ATP2B2: variants seen among roughly 807,000 people sequenced by gnomAD.
ATP2B2 encodes plasma membrane calcium-transporting ATPase 2.
Under a neutral mutation model 120.0 loss-of-function variants are expected in ATP2B2, and 15 were observed. That is an observed-to-expected ratio of 0.12 (90% CI 0.08 to 0.19). ATP2B2 has a LOEUF of 0.19. ATP2B2 is among the 10% of genes least tolerant of loss of function. The probability of loss-of-function intolerance (pLI) is 1.00; values close to 1 mark genes in which losing one functional copy is unlikely to be tolerated. For synonymous variants in ATP2B2, 694 were observed against 700.3 expected (o/e 0.99, Z 0.14); for missense variants, 1,045 against 1,719.8 (o/e 0.61, Z 6.94).
chr3:10,353,883 T>C (rs529437433), intron 14 of ATP2B2, among the ~76,000 whole-genome samples: 3 of 152,288 alleles, frequency 2.0e-5, no homozygotes, highest in Non-Finnish European at 2.9e-5. Flanking sequence ...ATGGGTACAA[T>C]AGTATCCACC....
upstream of ATP2B2, among the ~76,000 whole-genome samples, chr3:10,507,768 A>G (rs1011301912): frequency 6.6e-6 from 1 of 152,200 alleles, no homozygotes; most frequent in Non-Finnish European, 1.5e-5. Context: ...TGATCCTCCC[A>G]ACTACCTCTG....
chr3:10,359,872 C>T lies in ATP2B2; in HGVS notation c.1901+10G>A, dbSNP rs1199374147. The T allele has an allele frequency of 1.2e-6, 2 of 1,614,210 alleles. No homozygotes were observed. Among genetic ancestry groups the T allele is most frequent in the East Asian group, 2.2e-5 (1 of 44,874 alleles). ...CAGCCCTCAGCCCCGGTGCCCTGCC[C>T]AGCGCTTACTTCTTGAGCACGATCT... is the stretch of plus-strand genomic sequence containing the variant. On this transcript the variant is annotated intron_variant, in intron 13 of 22. Coordinates refer to ENST00000360273, the MANE Select transcript of ATP2B2 (RefSeq NM_001001331.4).
intron 12 of ATP2B2, among the ~76,000 whole-genome samples, chr3:10,362,565 G>A (rs2125461242): frequency 6.6e-6 from 1 of 152,368 alleles, no homozygotes; most frequent in East Asian, 1.9e-4. Flanking sequence ...TCTCCTTAAA[G>A]TGGATGTGGT....
intron 2 of ATP2B2, among the ~76,000 whole-genome samples, chr3:10,588,239 A>G (rs945951868): frequency 3.3e-5 from 5 of 152,120 alleles, no homozygotes; most frequent in African/African-American, 4.8e-5. Flanking sequence ...TGCCAGCAGC[A>G]CCTCTCTAGT....
Position 10,471,508 on chromosome 3 carries a change from G to A in ATP2B2, c.-319-21646C>T, listed in dbSNP as rs146219135. ...AGCAGAGGGAGGGTACGGGAGGAGG[G>A]GAAAGAGAAAGGAAAGACACAGTCA... On this transcript the variant is annotated intron_variant, in intron 1 of 22. Coordinates refer to ENST00000360273, the MANE Select transcript of ATP2B2 (RefSeq NM_001001331.4). 1.1e-3 allele frequency among the ~76,000 whole-genome samples: 163 copies of A among 152,092 alleles called. 1 individual carries two copies. Among genetic ancestry groups the A allele is most frequent in the African/African-American group, 2.8e-3 (118 of 41,496 alleles).
intron 1 of ATP2B2, among the ~76,000 whole-genome samples, chr3:10,665,323 C>T (rs1329257493): frequency 6.6e-6 from 1 of 152,224 alleles, no homozygotes; most frequent in East Asian, 1.9e-4. Context: ...GCCTAGCTAA[C>T]TCCTCTTCAT....
At chr3:10,386,057 T>C (rs773976784) in intron 7 of ATP2B2, among the ~76,000 whole-genome samples, 5 of 152,136 alleles carry the variant, frequency 3.3e-5, no homozygotes, top group African/African-American at 4.8e-5. Flanking sequence ...TTCTTGTGGG[T>C]AGGGAATAGT....
intron 1 of ATP2B2, among the ~76,000 whole-genome samples, chr3:10,657,995 G>C (rs944171967): frequency 1.3e-5 from 2 of 152,254 alleles, no homozygotes; most frequent in African/African-American, 4.8e-5. Context: ...AGGGTCTGGA[G>C]TGGACCTCCA....
At chr3:10,571,822 T>C (rs1183841420) in intron 2 of ATP2B2, among the ~76,000 whole-genome samples, 1 of 152,190 alleles carries the variant, frequency 6.6e-6, no homozygotes, top group Admixed American at 6.5e-5. Context: ...CCTTGGCCAA[T>C]CCTTTAAACA....
chr3:10,624,225 G>C (rs1027130590), intron 1 of ATP2B2, among the ~76,000 whole-genome samples: 2 of 152,146 alleles, frequency 1.3e-5, no homozygotes, highest in Non-Finnish European at 2.9e-5. Flanking sequence ...GGGAATGGTG[G>C]CCTCAAAGAT....
At chr3:10,576,334 G>A (rs1559466961) in intron 2 of ATP2B2, among the ~76,000 whole-genome samples, 1 of 152,174 alleles carries the variant, frequency 6.6e-6, no homozygotes, top group Non-Finnish European at 1.5e-5. Context: ...GGCTGCTTAG[G>A]CCGAGTGTAC....
chr3:10,331,712 A>ATTTTTT (rs34633808), intron 22 of ATP2B2, among the ~76,000 whole-genome samples: 1 of 143,512 alleles, frequency 7.0e-6, no homozygotes, highest in African/African-American at 2.6e-5. Flanking sequence ...AAAGGTAGGA[A>ATTTTTT]TTTTTTTTTT....
chr3:10,401,187 T>C, intron 4 of ATP2B2, 109 bp from the exon 5 acceptor site: 1 of 1,429,292 alleles, frequency 7.0e-7, no homozygotes, highest in Non-Finnish European at 9.5e-7. Context: ...AGGGACAGAA[T>C]GCCTAGAGCT....
At chr3:10,695,085 T>G (rs2071722131) in intron 1 of ATP2B2, among the ~76,000 whole-genome samples, 1 of 152,142 alleles carries the variant, frequency 6.6e-6, no homozygotes, top group Non-Finnish European at 1.5e-5. Flanking sequence ...GAGTCTGTTT[T>G]CATGCTGCCG....
intron 1 of ATP2B2, among the ~76,000 whole-genome samples, chr3:10,493,584 T>C (rs776113332): frequency 6.6e-6 from 1 of 152,102 alleles, no homozygotes; most frequent in Non-Finnish European, 1.5e-5. Context: ...ATCTGATATA[T>C]ATTCTTAAAA....
chr3:10,340,340 C>T lies in ATP2B2; in HGVS notation c.3139G>A (p.Val1047Met). 1 of 1,614,094 alleles carries T rather than the reference C, an allele frequency of 6.2e-7. No individual in the cohort carries two copies. The highest frequency in any genetic ancestry group is 8.5e-7 in the Non-Finnish European group (1 of 1,179,986). ...CTGAATGGCTTCCCTCCAAACTGCA[C>T]GATCACTATCTGGAGGTCACAGGGG... ...LGTFAIQIVI[V>M]QFGGKPFSCS... The change falls in exon 21 of 23, where the codon GTG becomes ATG. Residue 1047 changes from valine (V) to methionine (M), a missense_variant. Physicochemically the swap from Val to Met is conservative, Grantham distance 21. Transcript: ENST00000360273. The surrounding 1 kb of genome is among the most constrained non-coding windows in gnomAD (Gnocchi z 5.0).
chr3:10,337,556 C>T (rs1051993903), intron 22 of ATP2B2, among the ~76,000 whole-genome samples: 1 of 152,186 alleles, frequency 6.6e-6, no homozygotes, highest in Non-Finnish European at 1.5e-5. Flanking sequence ...GGCAGCCATG[C>T]TCTCTCTGCT....
chr3:10,460,112 TG>T (rs2064425655), intron 1 of ATP2B2, among the ~76,000 whole-genome samples: 1 of 152,192 alleles, frequency 6.6e-6, no homozygotes, highest in Non-Finnish European at 1.5e-5. Flanking sequence ...GAGCTGTCTC[TG>T]GGAATGAAGT....
chr3:10,617,889 C>T (rs2069439087), intron 2 of ATP2B2, among the ~76,000 whole-genome samples: 1 of 145,330 alleles, frequency 6.9e-6, no homozygotes, highest in African/African-American at 2.4e-5. Context: ...TGATGGCCAA[C>T]ATGCCCACCT....
Sources: allele counts gnomAD v4.1 joint callset (sites outside exome capture counted in the v4.1 genomes callset), GRCh38; gene constraint gnomAD v4.1.1; non-coding constraint Gnocchi (gnomAD v3.1); transcripts MANE v1.5; gene names NCBI Gene and HGNC (gene_info 2026-07-23, HGNC 2026-07-21).